SMAD2: variants seen among roughly 807,000 people sequenced by gnomAD.
SMAD2 encodes the protein MAD homolog 2.
SMAD2 carries 8 observed loss-of-function variants against 64.4 expected under a neutral mutation model. The ratio of observed to expected loss-of-function variants is 0.12; its 90% CI spans 0.07 to 0.22. SMAD2 has a LOEUF of 0.22. Ranked by LOEUF, SMAD2 falls within the 10% of genes least tolerant of loss-of-function variation. The pLI, the probability that SMAD2 is intolerant of heterozygous loss-of-function variation, is 1.00. For synonymous variants in SMAD2, 203 were observed against 195.8 expected, an observed-to-expected ratio of 1.04 and a Z score of -0.31; for missense variants, 289 against 561.2, an observed-to-expected ratio of 0.51 and a Z score of 4.90.
chr18:47,881,275 T>C (rs1172442782), intron 2 of SMAD2, among the ~76,000 whole-genome samples: 9 of 152,206 alleles, frequency 5.9e-5, no homozygotes, highest in Non-Finnish European at 1.3e-4. Context: ...TTGTTTAACT[T>C]CTCTCAGCAA....
intron 2 of SMAD2, among the ~76,000 whole-genome samples, chr18:47,886,595 AT>A (rs2032919282): frequency 6.6e-6 from 1 of 151,778 alleles, no homozygotes; most frequent in Admixed American, 6.6e-5. Context: ...CTATCTATCT[AT>A]CTATCTATCT....
At chr18:47,922,455 GAAT>G (rs1481969203) in intron 1 of SMAD2, 2 of 152,066 alleles carry the variant, frequency 1.3e-5, no homozygotes, top group Non-Finnish European at 2.9e-5. Flanking sequence ...AAACAATATA[GAAT>G]AACAACTATT....
chr18:47,854,560 C>A (rs1032974678), intron 6 of SMAD2, among the ~76,000 whole-genome samples: 4 of 151,894 alleles, frequency 2.6e-5, no homozygotes, highest in African/African-American at 9.7e-5. Flanking sequence ...TATTAACTAT[C>A]TTTTTCTTCT....
rs376826930 is a variant in SMAD2 at position 47,868,335 on chromosome 18, T to C, written c.643A>G (p.Asn215Asp). 5.0e-6 allele frequency: 8 copies of C among 1,612,986 alleles called. No homozygotes were observed. In the African/African-American group the frequency reaches 1.1e-4, roughly 22 times the overall value. ...NFPAGIEPQS[N>D]YIPETPPPGY... ...AAGGCAAAAATACCTGGAATATAAT[T>C]ACTCTGTGGCTCAATTCCTGCTGGG... The change falls in exon 5 of 11, where the codon AAT becomes GAT. Residue 215 changes from asparagine to aspartate, a missense_variant. By Grantham distance (23) the Asn-to-Asp change is conservative (BLOSUM62 1). This residue lies in a region of SMAD2 where 119 missense variants were observed against 156.7 expected (regional missense o/e 0.76). Coordinates refer to ENST00000262160, the MANE Select transcript of SMAD2 (RefSeq NM_005901.6).
At chr18:47,898,335 T>C (rs1265619127) in intron 1 of SMAD2, among the ~76,000 whole-genome samples, 1 of 152,172 alleles carries the variant, frequency 6.6e-6, no homozygotes, top group Non-Finnish European at 1.5e-5. Context: ...TTAATATGGG[T>C]TGCAGATATA....
Position 47,821,601 on chromosome 18 carries a change from T to C in SMAD2, c.*20226A>G, listed in dbSNP as rs1912578947. The stretch of plus-strand genomic sequence containing the variant: ...TGGAAATACTCTTCCTGTGTCTGAT[T>C]AAATTCAAGTACCTTTTCATCAGAT... On this transcript the variant is annotated 3_prime_UTR_variant, in exon 11 of 11. Coordinates refer to ENST00000262160, the MANE Select transcript of SMAD2 (RefSeq NM_005901.6). 1 of 152,244 alleles carries C rather than the reference T, an allele frequency of 6.6e-6. No homozygotes were observed. Among genetic ancestry groups the C allele is most frequent in the Admixed American group, 6.5e-5 (1 of 15,288 alleles). The allele number at this position is 152,244 out of a possible 1,614,324, so 9.4% of individuals were successfully genotyped here. A position where few individuals can be genotyped will look rare whatever the true frequency, so the allele number is the denominator to read the frequency against.
intron 2 of SMAD2, among the ~76,000 whole-genome samples, chr18:47,877,200 C>T (rs1197832355): frequency 6.6e-6 from 1 of 150,890 alleles, no homozygotes; most frequent in Non-Finnish European, 1.5e-5. Context: ...GGATAACAAC[C>T]TAAGTTGCCA....
Position 47,837,483 on chromosome 18 carries a change from A to C in SMAD2, c.*4344T>G. On this transcript the variant is annotated 3_prime_UTR_variant, in exon 11 of 11. Transcript: ENST00000262160. ...AGGCTGAGGCAGAAGCATGGCGTGA[A>C]CCCGGGAGGCGGAGCTTGCAGTGAA... The C allele has an allele frequency of 4.9e-6, 1 of 203,394 alleles. No individual in the cohort carries two copies. Among genetic ancestry groups the C allele is most frequent in the Non-Finnish European group, 9.8e-6 (1 of 102,082 alleles). 12.6% of individuals were successfully genotyped at this position (203,394 alleles called of 1,614,324 possible).
intron 1 of SMAD2, among the ~76,000 whole-genome samples, chr18:47,908,492 T>G (rs998414703): frequency 6.6e-6 from 1 of 152,014 alleles, no homozygotes; most frequent in Non-Finnish European, 1.5e-5. Context: ...GAAAAAGGTA[T>G]GTTATAAAGC....
At position 47,836,350 on chromosome 18, in the gene SMAD2, C is replaced by T. The variant is rs8098413; in HGVS notation, c.*5477G>A. The T allele has an allele frequency of 0.14, 30,776 of 222,044 alleles. 2,908 individuals carry two copies. Among genetic ancestry groups the T allele is most frequent in the Admixed American group, 0.27 (4,652 of 17,408 alleles). 13.8% of individuals were successfully genotyped at this position (222,044 alleles called of 1,614,324 possible). On this transcript the variant is annotated 3_prime_UTR_variant, in exon 11 of 11. Coordinates refer to ENST00000262160, the MANE Select transcript of SMAD2 (RefSeq NM_005901.6). ...TGCTGGATGTATAATAATTTAGTAA[C>T]GGGGTATATGGCAGAGCTTTCTTTG...
Position 47,868,388 on chromosome 18 carries a change from G to A in SMAD2, c.590C>T (p.Thr197Ile), listed in dbSNP as rs1400171724. ...LTELPPLDDYTHSIPENTNFP... is the reference protein window; with the variant it reads ...LTELPPLDDYIHSIPENTNFP... ...GTTAGTGTTTTCTGGAATGGAGTGA[G>A]TATAGTCATCCAGAGGCGGAAGTTC... Residue 197 changes from threonine to isoleucine, a missense_variant, in exon 5 of 11, where the codon ACT becomes ATT. Transcript: ENST00000262160. 6.2e-7 allele frequency: 1 copy of A among 1,609,190 alleles called. No homozygotes were observed. The highest frequency in any genetic ancestry group is 8.5e-7 in the Non-Finnish European group (1 of 1,175,726).
At chr18:47,900,419 C>G (rs1461403234) in intron 1 of SMAD2, among the ~76,000 whole-genome samples, 1 of 152,054 alleles carries the variant, frequency 6.6e-6, no homozygotes, top group African/African-American at 2.4e-5. Flanking sequence ...TCATAAATGC[C>G]TCTATTTAAC....
intron 2 of SMAD2, among the ~76,000 whole-genome samples, chr18:47,871,121 C>T (rs1263533687): frequency 6.6e-6 from 1 of 152,110 alleles, no homozygotes; most frequent in African/African-American, 2.4e-5. Flanking sequence ...TAGTATACCA[C>T]CTTAAAAATT....
chr18:47,867,974 G>C (rs192962331), intron 5 of SMAD2, among the ~76,000 whole-genome samples: 21 of 152,190 alleles, frequency 1.4e-4, no homozygotes, highest in Admixed American at 3.3e-4. Flanking sequence ...ATGTGTTTGG[G>C]GGGTACTTTT....
rs1035729306 is a variant in SMAD2 at position 47,840,631 on chromosome 18, C to T, written c.*1196G>A. On this transcript the variant is annotated 3_prime_UTR_variant, in exon 11 of 11. Coordinates refer to ENST00000262160, the MANE Select transcript of SMAD2 (RefSeq NM_005901.6). The stretch of plus-strand genomic sequence containing the variant: ...AAACAGATGGCCCATATCTGCTGAT[C>T]CTACCTCAGCATCACTTTTCTAGGT... The T allele has an allele frequency of 4.3e-6, 1 of 231,936 alleles. No homozygotes were observed. Among genetic ancestry groups the T allele is most frequent in the South Asian group, 1.8e-4 (1 of 5,504 alleles). The allele number at this position is 231,936 out of a possible 1,614,324, so 14.4% of individuals were successfully genotyped here. A position where few individuals can be genotyped will look rare whatever the true frequency, so the allele number is the denominator to read the frequency against.
intron 2 of SMAD2, among the ~76,000 whole-genome samples, chr18:47,883,671 T>C (rs2144426488): frequency 6.6e-6 from 1 of 152,316 alleles, no homozygotes; most frequent in African/African-American, 2.4e-5. Context: ...TTGTTATGAC[T>C]CCCTGATGTT....
intron 2 of SMAD2, among the ~76,000 whole-genome samples, chr18:47,894,598 C>G (rs1043610136): frequency 6.6e-6 from 1 of 152,202 alleles, no homozygotes; most frequent in African/African-American, 2.4e-5. Context: ...CTAATTCCTC[C>G]TTTACCCCGC....
chr18:47,867,795 T>C (rs1568063119), intron 5 of SMAD2, among the ~76,000 whole-genome samples: 2 of 152,168 alleles, frequency 1.3e-5, no homozygotes, highest in African/African-American at 2.4e-5. Context: ...ATTACTGAGA[T>C]GCAGACGAAA....
At chr18:47,913,666 A>C (rs1042017154) in intron 1 of SMAD2, among the ~76,000 whole-genome samples, 2 of 152,268 alleles carry the variant, frequency 1.3e-5, no homozygotes, top group Non-Finnish European at 2.9e-5. Flanking sequence ...ATGTAGGCTG[A>C]CAAGGAACAG....
Sources: gnomAD v4.1 joint callset for allele counts (sites outside exome capture counted in the v4.1 genomes callset) on GRCh38, gnomAD v4.1.1 for gene constraint, gnomAD v4.1.1 regional missense constraint, MANE v1.5 for transcripts, NCBI Gene and HGNC (gene_info 2026-07-23, HGNC 2026-07-21) for gene names.